The following DMXL1 variants were observed in gnomAD, a reference collection of about 807,000 sequenced individuals.
DMXL1 encodes the protein Dmx like 1, also known as dmX-like protein 1.
In DMXL1, 99 loss-of-function variants were observed where a neutral mutation model predicts 319.2. The observed-to-expected ratio is 0.31, with a 90% CI of 0.26 to 0.37. The LOEUF (loss-of-function observed/expected upper bound fraction) is 0.37. Ranked by LOEUF, DMXL1 falls within the 10% of genes least tolerant of loss-of-function variation. The pLI is 1.00. For synonymous variants in DMXL1, 1,385 were observed against 1,235.2 expected, an observed-to-expected ratio of 1.12 and a Z score of -2.54; for missense variants, 3,745 against 3,595.6, an observed-to-expected ratio of 1.04 and a Z score of -1.06.
chr5:119,189,766 G>T lies in DMXL1; in HGVS notation c.7194G>T (p.Met2398Ile), dbSNP rs777643777. 3 of 1,614,094 alleles carry T rather than the reference G, an allele frequency of 1.9e-6. No individual in the cohort carries two copies. The highest frequency in any genetic ancestry group is 2.5e-6 in the Non-Finnish European group (3 of 1,179,982). Residue 2398 changes from methionine (M) to isoleucine (I), a missense_variant, in exon 29 of 44, where the codon ATG (methionine) becomes ATT (isoleucine). Physicochemically the swap from Met to Ile is conservative, Grantham distance 10. Around this residue, in one of 4 missense-constraint regions of DMXL1, gnomAD observed 1,382 missense variants for 1,269.5 expected, o/e 1.09. Coordinates refer to ENST00000539542, the MANE Select transcript of DMXL1 (RefSeq NM_001290321.3). Reference protein sequence around the residue: ...KQNKRFRPSKMSCRESAPLTP... With the variant: ...KQNKRFRPSKISCRESAPLTP... ...ACAAACGTTTTAGGCCGTCAAAAAT[G>T]TCTTGCAGAGAATCTGCCCCACTGA...
chr5:119,224,251 A>G (rs1209662154), intron 37 of DMXL1, among the ~76,000 whole-genome samples: 1 of 152,106 alleles, frequency 6.6e-6, no homozygotes, highest in African/African-American at 2.4e-5. Flanking sequence ...CTTTAATTTT[A>G]TGTGTTTGTT....
chr5:119,216,898 T>C lies in DMXL1; in HGVS notation c.7927-3T>C. On this transcript the variant is annotated splice_polypyrimidine_tract_variant and splice_region_variant and intron_variant, in intron 34 of 43. Coordinates refer to ENST00000539542, the MANE Select transcript of DMXL1 (RefSeq NM_001290321.3). ...TTTTTGTGTTTTGTTTCCTTTTATT[T>C]AGATAGAAGCAGATTTGGGATATCC... The C allele has an allele frequency of 6.4e-7, 1 of 1,569,002 alleles. No homozygotes were observed. The highest frequency in any genetic ancestry group is 8.7e-7 in the Non-Finnish European group (1 of 1,146,582).
chr5:119,187,225 T>C (rs542341322), intron 28 of DMXL1, among the ~76,000 whole-genome samples: 1 of 152,216 alleles, frequency 6.6e-6, no homozygotes, highest in Non-Finnish European at 1.5e-5. Flanking sequence ...ATAAATTCTA[T>C]ATTCAAGTTG....
chr5:119,202,863 ACATATATATATATATATATTTT>A (rs1780965221), intron 32 of DMXL1, among the ~76,000 whole-genome samples: 1 of 108,030 alleles, frequency 9.3e-6, no homozygotes, highest in Non-Finnish European at 1.9e-5. Context: ...AAATATACAT[ACATATATATATATATATATTTT>A]TATATATATA....
intron 32 of DMXL1, among the ~76,000 whole-genome samples, chr5:119,199,545 A>G (rs1311657928): frequency 6.6e-6 from 1 of 152,028 alleles, no homozygotes; most frequent in Non-Finnish European, 1.5e-5. Flanking sequence ...TGTGTTTTTT[A>G]TGGTAGAATG....
In DMXL1 at chr5:119,133,235, T is replaced by G; in HGVS notation, c.1419T>G (p.Ala473=). The G allele has an allele frequency of 6.2e-7, 1 of 1,614,222 alleles. No homozygotes were observed. Among genetic ancestry groups the G allele is most frequent in the Non-Finnish European group, 8.5e-7 (1 of 1,180,036 alleles). The stretch of plus-strand genomic sequence containing the variant: ...CAAGTTTTACATCATTATCGTCAGC[T>G]GCCATTGATCATCAGATTGAAGTAC... ...PNSSFTSLSS[A]AIDHQIEVLL... The change falls in exon 11 of 44, where the codon GCT becomes GCG. Residue 473 remains alanine, a synonymous_variant. Coordinates refer to ENST00000539542, the MANE Select transcript of DMXL1 (RefSeq NM_001290321.3).
rs775816295 is a variant in DMXL1, at chr5:119,170,607, C to T, written c.5816C>T (p.Ser1939Phe). The T allele has an allele frequency of 6.2e-7, 1 of 1,613,652 alleles. No homozygotes were observed. Among genetic ancestry groups the T allele is most frequent in the Non-Finnish European group, 8.5e-7 (1 of 1,179,862 alleles). Residue 1939 changes from serine to phenylalanine, a missense_variant, in exon 24 of 44, where the codon TCC (serine) becomes TTC (phenylalanine). Ser to Phe is a radical substitution (Grantham distance 155). Coordinates refer to ENST00000539542, the MANE Select transcript of DMXL1 (RefSeq NM_001290321.3). ...GGTTTTGGATCTTCTTCAGAGGGTT[C>T]CTCAGAGAAGCAATCAAACTCCACT... ...INGFGSSSEGSSEKQSNSTLS... is the reference protein window; with the variant it reads ...INGFGSSSEGFSEKQSNSTLS...
intron 1 of DMXL1, among the ~76,000 whole-genome samples, chr5:119,079,580 C>A (rs1243226748): frequency 1.3e-5 from 2 of 152,232 alleles, no homozygotes; most frequent in Non-Finnish European, 2.9e-5. Context: ...TCTTAACTCA[C>A]TATACTTTGG....
intron 19 of DMXL1, among the ~76,000 whole-genome samples, chr5:119,163,515 C>T (rs1161570585): frequency 6.6e-6 from 1 of 152,188 alleles, no homozygotes; most frequent in South Asian, 2.1e-4. Flanking sequence ...CTCCCCAGTT[C>T]AAGTGATTTT....
chr5:119,173,698 GTATATA>G (rs374795634), intron 25 of DMXL1, among the ~76,000 whole-genome samples: 1 of 55,904 alleles, frequency 1.8e-5, no homozygotes, highest in African/African-American at 3.9e-5. Flanking sequence ...GTGTGTGTGT[GTATATA>G]TATATGTGTG....
intron 1 of DMXL1, among the ~76,000 whole-genome samples, chr5:119,085,333 AAAATAAATAAAT>A (rs202033508): frequency 1.9e-4 from 29 of 150,896 alleles, no homozygotes; most frequent in East Asian, 5.8e-4. Flanking sequence ...CTTTGTCTCA[AAAATAAATAAAT>A]AAATAAATAA....
At chr5:119,130,887 T>C (rs1462384377) in intron 10 of DMXL1, among the ~76,000 whole-genome samples, 2 of 152,206 alleles carry the variant, frequency 1.3e-5, no homozygotes, top group Non-Finnish European at 2.9e-5. Context: ...ATTTAAAATA[T>C]CAATAACTTC....
At chr5:119,174,146 T>C (rs1489708394) in intron 25 of DMXL1, among the ~76,000 whole-genome samples, 1 of 152,120 alleles carries the variant, frequency 6.6e-6, no homozygotes, top group East Asian at 1.9e-4. Context: ...ATCAGTCTGA[T>C]TCAAATGTTT....
At chr5:119,086,178 G>A (rs1411951679) in intron 1 of DMXL1, among the ~76,000 whole-genome samples, 1 of 152,074 alleles carries the variant, frequency 6.6e-6, no homozygotes, top group Non-Finnish European at 1.5e-5. Context: ...AAGCAAAATG[G>A]GTTTCCCCTT....
rs564508205 is a variant in DMXL1, at chr5:119,150,519, G to A, written c.4594+98G>A. The A allele has an allele frequency of 1.7e-5, 22 of 1,333,016 alleles. No homozygotes were observed. The Admixed American group carries it at 5.7e-4, about 35-fold the overall frequency. 82.6% of individuals were successfully genotyped at this position (1,333,016 alleles called of 1,614,324 possible). A position where few individuals can be genotyped will look rare whatever the true frequency, so the allele number is the denominator to read the frequency against. ...AAATGATGCCATTGGCTAGGCACAG[G>A]GGCTTATGCCTGTAAATTCAGCTCT... On this transcript the variant is annotated intron_variant, in intron 18 of 43. Coordinates refer to ENST00000539542, the MANE Select transcript of DMXL1 (RefSeq NM_001290321.3).
chr5:119,116,108 T>G, intron 6 of DMXL1, 50 bp from the exon 7 acceptor site: 1 of 1,512,482 alleles, frequency 6.6e-7, no homozygotes, highest in Non-Finnish European at 8.9e-7. Flanking sequence ...TTTGATTTAA[T>G]CTTTAATTCT....
chr5:119,242,321 A>C (rs1033996663), intron 42 of DMXL1, among the ~76,000 whole-genome samples: 2 of 152,256 alleles, frequency 1.3e-5, no homozygotes, highest in African/African-American at 4.8e-5. Flanking sequence ...TTTTTGATGC[A>C]TCAACAATGA....
chr5:119,125,778 A>T (rs980296720), intron 9 of DMXL1, among the ~76,000 whole-genome samples: 1 of 151,904 alleles, frequency 6.6e-6, no homozygotes, highest in Non-Finnish European at 1.5e-5. Context: ...GTTAGCAAGG[A>T]TGGTCTCAAT....
intron 29 of DMXL1, among the ~76,000 whole-genome samples, chr5:119,192,292 T>G (rs777388791): frequency 6.6e-6 from 1 of 152,236 alleles, no homozygotes. Flanking sequence ...AGTTTTACTC[T>G]GAATTGCATT....
Sources: gnomAD v4.1 joint callset for allele counts (sites outside exome capture counted in the v4.1 genomes callset) on GRCh38, gnomAD v4.1.1 for gene constraint, gnomAD v4.1.1 regional missense constraint, MANE v1.5 for transcripts, NCBI Gene and HGNC (gene_info 2026-07-23, HGNC 2026-07-21) for gene names.